Variants in ARHGEF17 observed in about 807,000 individuals in gnomAD.
ARHGEF17 encodes 164 kDa Rho-specific guanine-nucleotide exchange factor.
In ARHGEF17, 80 loss-of-function variants were observed where a neutral mutation model predicts 174.0. That is an observed-to-expected ratio of 0.46 (90% CI 0.38 to 0.55). ARHGEF17 has a LOEUF of 0.55. ARHGEF17 is among the 20% of genes least tolerant of loss of function. ARHGEF17 has a pLI of 0.00. For synonymous variants in ARHGEF17, 1,311 were observed against 1,189.1 expected, an observed-to-expected ratio of 1.10 and a Z score of -2.11; for missense variants, 2,886 against 2,839.7, an observed-to-expected ratio of 1.02 and a Z score of -0.37.
At chr11:73,346,389 C>T (rs1294186330) in intron 1 of ARHGEF17, among the ~76,000 whole-genome samples, 1 of 152,214 alleles carries the variant, frequency 6.6e-6, no homozygotes, top group Admixed American at 6.5e-5. Flanking sequence ...TCCACAGTGT[C>T]TTCCTCTGTA....
intron 1 of ARHGEF17, among the ~76,000 whole-genome samples, chr11:73,324,276 G>C (rs1028006478): frequency 6.6e-6 from 1 of 152,162 alleles, no homozygotes; most frequent in Non-Finnish European, 1.5e-5. Context: ...GATTCTGGTC[G>C]GGTGGATCCA....
intron 1 of ARHGEF17, among the ~76,000 whole-genome samples, chr11:73,330,538 G>T (rs896239455): frequency 3.4e-4 from 52 of 152,202 alleles, no homozygotes; most frequent in African/African-American, 1.3e-3. Flanking sequence ...TAGGGTGGGT[G>T]TGAAGGTCAG....
intron 10 of ARHGEF17, 22 bp downstream of exon 10, chr11:73,359,974 C>G: frequency 6.4e-7 from 1 of 1,574,258 alleles, no homozygotes; most frequent in African/African-American, 1.4e-5. Context: ...CTGCCTGACA[C>G]TGGGGAGCCA....
In ARHGEF17 at chr11:73,362,049, G is replaced by A; in HGVS notation, c.4504G>A (p.Ala1502Thr). ...KTRSGMQFSC[A>T]APTLNSCPEP... The stretch of plus-strand genomic sequence containing the variant: ...TTGGCGCCTCCTGCAGTTCTCCTGT[G>A]CGGCTCCCACCCTGAACAGCTGCCC... The change falls in exon 13 of 21, where the codon GCG (alanine) becomes ACG (threonine). Residue 1502 changes from alanine to threonine, a missense_variant. Coordinates refer to ENST00000263674, the MANE Select transcript of ARHGEF17 (RefSeq NM_014786.4). 1 of 1,612,282 alleles carries A rather than the reference G, an allele frequency of 6.2e-7. No individual in the cohort carries two copies.
rs769247062 is a variant in ARHGEF17 at position 73,311,765 on chromosome 11, C to G, written c.3127C>G (p.Pro1043Ala). 1 of 1,612,532 alleles carries G rather than the reference C, an allele frequency of 6.2e-7. No homozygotes were observed. The highest frequency in any genetic ancestry group is 8.5e-7 in the Non-Finnish European group (1 of 1,179,588). ...ACCGCCCTCTGCTGAGGCCAAGCCC[C>G]CTGAGGCAGCTCGGCCTGCAGATGA... ...AAPPSAEAKP[P>A]EAARPADEPT... Residue 1043 changes from proline (P) to alanine (A), a missense_variant, in exon 1 of 21, where the codon CCT becomes GCT. Transcript: ENST00000263674.
rs750700152 is a variant in ARHGEF17, at chr11:73,308,658, G to C, written c.20G>C (p.Arg7Pro). 22 of 1,508,088 alleles carry C rather than the reference G, an allele frequency of 1.5e-5. No homozygotes were observed. In the African/African-American group the frequency reaches 2.9e-4, roughly 20 times the overall value. The allele number at this position is 1,508,088 out of a possible 1,614,324, so 93.4% of individuals were successfully genotyped here. MADGAP[R>P]PQLYRSVSFK... ...GCCACTATGGCGGACGGGGCACCCCGGCCCCAGCTTTACCGCAGCGTCTCG... is the reference window on the plus strand; with the variant it reads ...GCCACTATGGCGGACGGGGCACCCCCGCCCCAGCTTTACCGCAGCGTCTCG... Residue 7 changes from arginine (R) to proline (P), a missense_variant, in exon 1 of 21, where the codon CGG becomes CCG. Arg to Pro is a moderately radical substitution (Grantham distance 103). Around this residue, in one of 4 missense-constraint regions of ARHGEF17, gnomAD observed 1,728 missense variants for 1,461.2 expected, o/e 1.18. Transcript: ENST00000263674.
rs1162237936 is a variant in ARHGEF17 at position 73,362,644 on chromosome 11, G to A, written c.4906G>A (p.Asp1636Asn). The change falls in exon 14 of 21, where the codon GAC becomes AAC. Residue 1636 changes from aspartate (D) to asparagine (N), a missense_variant. By Grantham distance (23) the Asp-to-Asn change is conservative (BLOSUM62 1). Transcript: ENST00000263674. ...CCCCCGCCCAGAGCTGGTGCCCTTT[G>A]ACAGTGACTCTGACGATGAGTCTTC... is the stretch of plus-strand genomic sequence containing the variant. Reference protein sequence around the residue: ...GDPRPELVPFDSDSDDESSPS... With the variant: ...GDPRPELVPFNSDSDDESSPS... 6.2e-7 allele frequency: 1 copy of A among 1,611,688 alleles called. No homozygotes were observed. The highest frequency in any genetic ancestry group is 8.5e-7 in the Non-Finnish European group (1 of 1,180,026).
intron 1 of ARHGEF17, among the ~76,000 whole-genome samples, chr11:73,325,577 C>T (rs541477488): frequency 6.6e-6 from 1 of 152,234 alleles, no homozygotes; most frequent in Non-Finnish European, 1.5e-5. Context: ...CACTTTCTCA[C>T]TTTTCAATCC....
At position 73,355,622 on chromosome 11, in the gene ARHGEF17, G is replaced by A. The variant is rs1159209369; in HGVS notation, c.3543G>A (p.Ala1181=). 7.4e-6 allele frequency: 12 copies of A among 1,613,980 alleles called. No individual in the cohort carries two copies. The highest frequency in any genetic ancestry group is 3.3e-5 in the South Asian group (3 of 91,082). ...AKDAVRVAKE[A]RPAFLKFLEQ... Reference sequence around the variant, plus strand: ...ATGCTGTGCGTGTGGCCAAGGAGGCGAGGCCTGCCTTTCTCAAGTTCCTAG... The same window carrying A: ...ATGCTGTGCGTGTGGCCAAGGAGGCAAGGCCTGCCTTTCTCAAGTTCCTAG... Residue 1181 remains alanine, a synonymous_variant, in exon 4 of 21, where the codon GCG becomes GCA. Transcript: ENST00000263674.
At chr11:73,363,861 C>G (rs371614491) in intron 16 of ARHGEF17, 28 bp downstream of exon 16, 224 of 1,604,664 alleles carry the variant, frequency 1.4e-4, no homozygotes, top group Non-Finnish European at 1.9e-4. Context: ...CCCTTCCTAT[C>G]TAGACTCTTC....
intron 12 of ARHGEF17, among the ~76,000 whole-genome samples, chr11:73,361,370 G>A (rs1865735260): frequency 6.6e-6 from 1 of 152,188 alleles, no homozygotes; most frequent in Non-Finnish European, 1.5e-5. Context: ...ATCTGTATCT[G>A]TGCATGTGAA....
intron 15 of ARHGEF17, 65 bp downstream of exon 15, chr11:73,363,520 TGTG>T: frequency 1.9e-6 from 3 of 1,559,938 alleles, no homozygotes; most frequent in East Asian, 4.5e-5. Flanking sequence ...CTGGAAATCA[TGTG>T]GTCCCCTGGA....
chr11:73,343,720 C>T (rs1241871526), intron 1 of ARHGEF17, among the ~76,000 whole-genome samples: 1 of 152,096 alleles, frequency 6.6e-6, no homozygotes, highest in Non-Finnish European at 1.5e-5. Context: ...AGCAGCGTCC[C>T]CGTTCTCGCT....
chr11:73,347,314 T>C (rs1465001140), intron 2 of ARHGEF17: 1 of 370,396 alleles, frequency 2.7e-6, no homozygotes, highest in African/African-American at 2.1e-5. Flanking sequence ...TTGAATAGAG[T>C]TCAGTATTGA....
chr11:73,320,583 C>T (rs1591723740), intron 1 of ARHGEF17, among the ~76,000 whole-genome samples: 2 of 142,794 alleles, frequency 1.4e-5, no homozygotes, highest in Admixed American at 1.4e-4. Flanking sequence ...GATTGCACTA[C>T]TGCACTCCAC....
intron 16 of ARHGEF17, among the ~76,000 whole-genome samples, 163 bp from the exon 17 acceptor site, chr11:73,364,008 TC>T (rs2134423453): frequency 6.6e-6 from 1 of 152,242 alleles, no homozygotes; most frequent in Non-Finnish European, 1.5e-5. Context: ...CTCGGGCAAG[TC>T]ACCCCCTTTT....
Position 73,364,455 on chromosome 11 carries a change from A to G in ARHGEF17, c.5405A>G (p.His1802Arg), listed in dbSNP as rs1865803530. The change falls in exon 18 of 21, where the codon CAT (histidine) becomes CGT (arginine). Residue 1802 changes from histidine to arginine, a missense_variant. His to Arg is a conservative substitution (Grantham distance 29). Transcript: ENST00000263674. ...TGTTTTCTTTACCCCACTCCAGGCC[A>G]TTTCTGGGACCCCCAGAACTTCAAA... ...ELVVYQREAGHFWDPQNFKSV... is the reference protein window; with the variant it reads ...ELVVYQREAGRFWDPQNFKSV... The G allele has an allele frequency of 1.9e-6, 3 of 1,613,324 alleles. No homozygotes were observed. In the African/African-American group the frequency reaches 4.0e-5, roughly 22 times the overall value.
At position 73,362,442 on chromosome 11, in the gene ARHGEF17, TCCGTCGCTGAGGAGTCCTC is replaced by T; in HGVS notation, c.4706_4724del (p.Pro1569GlnfsTer45). ...CTCCGTCTTCTCGCAGGGAGCCTCC[TCCGTCGCTGAGGAGTCCTC>T]CAGAGACGGCACCGGAGCCCGCCGG... On this transcript the variant is annotated frameshift_variant, in exon 14 of 21. Coordinates refer to ENST00000263674, the MANE Select transcript of ARHGEF17 (RefSeq NM_014786.4). LOFTEE classifies it high-confidence loss of function. 1.9e-6 allele frequency: 3 copies of T among 1,561,272 alleles called. No homozygotes were observed. The South Asian group carries it at 3.5e-5, about 18-fold the overall frequency.
At chr11:73,348,938 G>A (rs7109601) in intron 2 of ARHGEF17, among the ~76,000 whole-genome samples, 10,052 of 152,216 alleles carry the variant, frequency 0.066, 966 homozygotes, top group African/African-American at 0.21. Context: ...AGCAGAAAGA[G>A]CCCGGAGGGA....
Sources: allele counts gnomAD v4.1 joint callset (sites outside exome capture counted in the v4.1 genomes callset), GRCh38; gene constraint gnomAD v4.1.1; regional missense constraint gnomAD v4.1.1; transcripts MANE v1.5; gene names NCBI Gene and HGNC (gene_info 2026-07-23, HGNC 2026-07-21).